The following ZNF106 variants were observed in gnomAD, a reference collection of about 807,000 sequenced individuals.
ZNF106 encodes the protein zinc finger protein 106, also known as SH3-domain binding protein 3.
ZNF106 carries 67 observed loss-of-function variants against 195.1 expected under a neutral mutation model. That is an observed-to-expected ratio of 0.34 (90% confidence interval 0.28 to 0.42). ZNF106 has a LOEUF of 0.42. ZNF106 is among the 10% of genes least tolerant of loss of function. ZNF106 has a pLI of 1.00. For missense variants in ZNF106, 2,118 were observed against 2,304.5 expected, an observed-to-expected ratio of 0.92 and a Z score of 1.66; for synonymous variants, 784 against 818.6, an observed-to-expected ratio of 0.96 and a Z score of 0.72.
intron 3 of ZNF106, among the ~76,000 whole-genome samples, chr15:42,463,337 T>C (rs567460746): frequency 7.2e-5 from 11 of 152,264 alleles, no homozygotes; most frequent in Non-Finnish European, 1.5e-4. Context: ...TAATCAAAAG[T>C]TGACTGCATT....
rs539965717 is a variant in ZNF106 at position 42,439,023 on chromosome 15, A to G, written c.4544+10T>C. ...AAGTTGTTCTGACTGGACCAATACA[A>G]TATTCTTACCTTACAGGGATGCCAT... On this transcript the variant is annotated intron_variant, in intron 11 of 21. Transcript: ENST00000564754. The G allele has an allele frequency of 6.2e-7, 1 of 1,602,882 alleles. No homozygotes were observed. Among genetic ancestry groups the G allele is most frequent in the African/African-American group, 1.3e-5 (1 of 74,418 alleles).
rs984432171 is a variant in ZNF106, at chr15:42,472,349, C to T, written c.-32-28G>A. On this transcript the variant is annotated intron_variant, in intron 1 of 21. Coordinates refer to ENST00000564754, the MANE Select transcript of ZNF106 (RefSeq NM_001366845.3). ...GCAATGAGGAAGTAACATTTAGTAA[C>T]CTTTTCTCCTCAGTACCTTCTTACA... The T allele has an allele frequency of 1.3e-5, 19 of 1,492,286 alleles. No homozygotes were observed. In the African/African-American group the frequency reaches 2.5e-4, roughly 20 times the overall value. 92.4% of individuals were successfully genotyped at this position (1,492,286 alleles called of 1,614,324 possible). A position where few individuals can be genotyped will look rare whatever the true frequency, so the allele number is the denominator to read the frequency against.
chr15:42,465,931 T>C, intron 3 of ZNF106, 122 bp downstream of exon 3: 2 of 709,050 alleles, frequency 2.8e-6, no homozygotes, highest in Non-Finnish European at 4.3e-6. Flanking sequence ...TTCTAAAAGG[T>C]TGTTCTACGC....
In ZNF106 at chr15:42,440,997, AAATATATATATATATATATATATATATAT is replaced by A. The variant is rs1206946847; in HGVS notation, c.3763+1047_3763+1075del. On this transcript the variant is annotated intron_variant, in intron 10 of 21. Coordinates refer to ENST00000564754, the MANE Select transcript of ZNF106 (RefSeq NM_001366845.3). ...GAAACTCTGTCTAAAAAAAAAAAAA[AAATATATATATATATATATATATATATAT>A]ATATATATATATATATATATATGCT... Among the ~76,000 whole-genome samples the A allele has an allele frequency of 1.6e-3, 81 of 51,638 alleles. 6 individuals are homozygous for A. The highest frequency in any genetic ancestry group is 8.2e-3 in the African/African-American group (66 of 8,014). 33.9% of individuals were successfully genotyped at this position (51,638 alleles called of 152,430 possible). A position where few individuals can be genotyped will look rare whatever the true frequency, so the allele number is the denominator to read the frequency against.
intron 10 of ZNF106, 190 bp downstream of exon 10, chr15:42,441,883 T>G (rs1305462353): frequency 2.3e-5 from 10 of 441,090 alleles, no homozygotes; most frequent in Non-Finnish European, 3.9e-5. Flanking sequence ...AGAAAATGAC[T>G]GATATTTAAA....
chr15:42,439,489 G>A lies in ZNF106; in HGVS notation c.4088C>T (p.Thr1363Ile). 1.2e-6 allele frequency: 2 copies of A among 1,614,104 alleles called. No individual in the cohort carries two copies. Among genetic ancestry groups the A allele is most frequent in the Non-Finnish European group, 1.7e-6 (2 of 1,180,022 alleles). Residue 1363 changes from threonine (T) to isoleucine (I), a missense_variant, in exon 11 of 22, where the codon ACT becomes ATT. Coordinates refer to ENST00000564754, the MANE Select transcript of ZNF106 (RefSeq NM_001366845.3). ...ADQPEQQAES[T>I]LTSAETRGSK... is the part of the protein sequence containing the mutation. Reference sequence around the variant, plus strand: ...TCCCCTAGTCTCAGCTGATGTCAAAGTGGATTCTGCCTGTTGTTCAGGCTG... The same window carrying A: ...TCCCCTAGTCTCAGCTGATGTCAAAATGGATTCTGCCTGTTGTTCAGGCTG...
intron 3 of ZNF106, among the ~76,000 whole-genome samples, chr15:42,460,057 A>C (rs1337687840): frequency 6.7e-6 from 1 of 150,374 alleles, no homozygotes; most frequent in Non-Finnish European, 1.5e-5. Flanking sequence ...AAAAAAAAAA[A>C]GAAAATATTT....
In ZNF106 at chr15:42,451,690, G is replaced by A; in HGVS notation, c.582C>T (p.Ser194=). The stretch of plus-strand genomic sequence containing the variant: ...TACTATGGTTGTGAAACCAAGTCGA[G>A]GAGCCTCCTGCAACACCCTTATGCC... ...SGWHKGVAGG[S]STWFHNHSNS... The change falls in exon 5 of 22, where the codon TCC becomes TCT. Residue 194 remains serine (S), a synonymous_variant. Coordinates refer to ENST00000564754, the MANE Select transcript of ZNF106 (RefSeq NM_001366845.3). The A allele has an allele frequency of 6.2e-7, 1 of 1,614,210 alleles. No homozygotes were observed. Among genetic ancestry groups the A allele is most frequent in the Non-Finnish European group, 8.5e-7 (1 of 1,180,042 alleles).
chr15:42,438,252 G>A (rs957619972), intron 12 of ZNF106, among the ~76,000 whole-genome samples: 10 of 152,094 alleles, frequency 6.6e-5, no homozygotes, highest in Admixed American at 2.6e-4. Flanking sequence ...TTTGCCAGGC[G>A]TGATGGCGCG....
chr15:42,446,002 G>A (rs1301114184), intron 7 of ZNF106, among the ~76,000 whole-genome samples: 1 of 152,168 alleles, frequency 6.6e-6, no homozygotes, highest in Non-Finnish European at 1.5e-5. Flanking sequence ...TGAGAGAAAT[G>A]GCTATACATG....
At position 42,450,661 on chromosome 15, in the gene ZNF106, T is replaced by C. The variant is rs754504644; in HGVS notation, c.1611A>G (p.Leu537=). The change falls in exon 5 of 22, where the codon TTA becomes TTG. Residue 537 remains leucine, a synonymous_variant. Transcript: ENST00000564754. ...AGCCAAATGTACTTTTATTCCCTTT[T>C]AAAACATGAGGACATGAACTACGCA... ...SKLRSSCPHV[L]KGNKSTFGSQ... 16 of 1,614,222 alleles carry C rather than the reference T, an allele frequency of 9.9e-6. No individual in the cohort carries two copies. The Middle Eastern group carries it at 1.2e-3, about 116-fold the overall frequency.
chr15:42,425,089 C>T (rs1385596567), intron 15 of ZNF106, 64 bp from the exon 16 acceptor site: 4 of 1,507,818 alleles, frequency 2.7e-6, no homozygotes, highest in Admixed American at 3.4e-5. Context: ...TAACCAACAT[C>T]ATTACCTTGG....
At position 42,448,707 on chromosome 15, in the gene ZNF106, T is replaced by C; in HGVS notation, c.2502-2A>G. 6.4e-7 allele frequency: 1 copy of C among 1,574,416 alleles called. No homozygotes were observed. Among genetic ancestry groups the C allele is most frequent in the South Asian group, 1.2e-5 (1 of 86,504 alleles). ...AGGGGTACCATTTCTATGCCAAACCTTAAGGAAGAAAGAAAAAATGAAAAC... is the reference window on the plus strand; with the variant it reads ...AGGGGTACCATTTCTATGCCAAACCCTAAGGAAGAAAGAAAAAATGAAAAC... On this transcript the variant is annotated splice_acceptor_variant, in intron 5 of 21. Transcript: ENST00000564754. LOFTEE classifies it high-confidence loss of function.
intron 3 of ZNF106, among the ~76,000 whole-genome samples, chr15:42,458,791 C>T (rs2056312443): frequency 7.1e-6 from 1 of 141,178 alleles, no homozygotes. Context: ...AAGGTGTTTT[C>T]TTTTTTTTTT....
chr15:42,443,500 T>C (rs1424347057), intron 9 of ZNF106, among the ~76,000 whole-genome samples: 1 of 151,990 alleles, frequency 6.6e-6, no homozygotes, highest in Non-Finnish European at 1.5e-5. Flanking sequence ...TAACTTTTTA[T>C]AATTTTATAT....
At position 42,446,662 on chromosome 15, in the gene ZNF106, G is replaced by C. The variant is rs2055784560; in HGVS notation, c.3136-4C>G. On this transcript the variant is annotated splice_polypyrimidine_tract_variant and splice_region_variant and intron_variant, in intron 6 of 21. Coordinates refer to ENST00000564754, the MANE Select transcript of ZNF106 (RefSeq NM_001366845.3). Reference sequence around the variant, plus strand: ...GGAGTTCAGGAGAAGATCCATCCTGGAAGGATAAAGAAAACTGAATAAAAT... The same window carrying C: ...GGAGTTCAGGAGAAGATCCATCCTGCAAGGATAAAGAAAACTGAATAAAAT... 1.9e-6 allele frequency: 3 copies of C among 1,594,056 alleles called. No individual in the cohort carries two copies. The highest frequency in any genetic ancestry group is 2.6e-6 in the Non-Finnish European group (3 of 1,169,878).
chr15:42,445,824 T>C (rs1050179240), intron 7 of ZNF106, among the ~76,000 whole-genome samples: 3 of 152,208 alleles, frequency 2.0e-5, no homozygotes, highest in Admixed American at 6.5e-5. Context: ...CTAGCCCTTA[T>C]ACTAGAACTG....
chr15:42,466,200 G>A, intron 2 of ZNF106, 86 bp from the exon 3 acceptor site: 2 of 1,076,268 alleles, frequency 1.9e-6, no homozygotes, highest in Non-Finnish European at 2.5e-6. Context: ...ATCAAAAATT[G>A]GGGCTCAAAC....
intron 1 of ZNF106, among the ~76,000 whole-genome samples, chr15:42,476,197 G>T (rs534815000): frequency 6.6e-6 from 1 of 152,130 alleles, no homozygotes; most frequent in Non-Finnish European, 1.5e-5. Flanking sequence ...CGATAAGGAA[G>T]ATTTAGTATT....
Sources: allele counts gnomAD v4.1 joint callset (sites outside exome capture counted in the v4.1 genomes callset), GRCh38; gene constraint gnomAD v4.1.1; transcripts MANE v1.5; gene names NCBI Gene and HGNC (gene_info 2026-07-23, HGNC 2026-07-21).